SLC24A2: variants seen among roughly 807,000 people sequenced by gnomAD.
SLC24A2 encodes solute carrier family 24 member 2, also known as sodium/potassium/calcium exchanger 2.
In SLC24A2, 36 loss-of-function variants were observed where a neutral mutation model predicts 62.0. That is an observed-to-expected ratio of 0.58 (90% CI 0.44 to 0.77). The LOEUF is 0.77. SLC24A2 is among the 30% of genes least tolerant of loss of function. SLC24A2 has a pLI of 0.00. For missense variants in SLC24A2, 846 were observed against 817.9 expected, an observed-to-expected ratio of 1.03 and a Z score of -0.42; for synonymous variants, 358 against 294.0, an observed-to-expected ratio of 1.22 and a Z score of -2.23.
the SLC24A2 span, among the ~76,000 whole-genome samples, chr9:20,265,449 T>C: frequency 6.6e-6 from 1 of 152,216 alleles, no homozygotes; most frequent in Non-Finnish European, 1.5e-5. Context: ...CTTACGCCTG[T>C]CTTTACTGTA....
the SLC24A2 span, among the ~76,000 whole-genome samples, chr9:20,206,881 T>TGA: frequency 2.7e-5 from 4 of 148,510 alleles, no homozygotes; most frequent in African/African-American, 7.6e-5. Context: ...AAAACTAAGT[T>TGA]GGGGGGGGCG....
At chr9:20,005,598 T>C in the SLC24A2 span, among the ~76,000 whole-genome samples, 9 of 152,062 alleles carry the variant, frequency 5.9e-5, 1 homozygote, top group Non-Finnish European at 1.2e-4. Flanking sequence ...TAGTTCATTA[T>C]ACTGCCAAAC....
chr9:20,078,994 C>A, the SLC24A2 span, among the ~76,000 whole-genome samples: 1 of 152,090 alleles, frequency 6.6e-6, no homozygotes. Flanking sequence ...GTATGCTAAC[C>A]CCTAGAACAT....
the SLC24A2 span, among the ~76,000 whole-genome samples, chr9:20,046,474 C>T: frequency 1.3e-5 from 2 of 152,274 alleles, no homozygotes; most frequent in South Asian, 4.1e-4. Context: ...AAAGGAAATG[C>T]AAATTGAGTT....
At chr9:20,040,846 C>A in the SLC24A2 span, among the ~76,000 whole-genome samples, 2 of 152,200 alleles carry the variant, frequency 1.3e-5, no homozygotes, top group Non-Finnish European at 2.9e-5. Context: ...TTAATCCTCA[C>A]AACAAGCCTA....
the SLC24A2 span, among the ~76,000 whole-genome samples, chr9:20,196,807 A>G: frequency 6.6e-6 from 1 of 152,256 alleles, no homozygotes; most frequent in Non-Finnish European, 1.5e-5. Flanking sequence ...AATGCATAAA[A>G]AAACAAATAA....
chr9:19,627,660 G>A (rs1370314582), intron 2 of SLC24A2, among the ~76,000 whole-genome samples: 1 of 151,948 alleles, frequency 6.6e-6, no homozygotes, highest in African/African-American at 2.4e-5. Context: ...CAAGTAGTTG[G>A]GTCTGTAGGA....
chr9:20,102,120 C>T, the SLC24A2 span, among the ~76,000 whole-genome samples: 7 of 152,156 alleles, frequency 4.6e-5, no homozygotes, highest in Admixed American at 2.6e-4. Flanking sequence ...GATCAGAGTC[C>T]CTAGTTCTCC....
rs1832847873 is a variant in SLC24A2 at position 19,514,364 on chromosome 9, A to G, written c.*1789T>C. 2 of 152,224 alleles carry G rather than the reference A, an allele frequency of 1.3e-5. No homozygotes were observed. Among genetic ancestry groups the G allele is most frequent in the Non-Finnish European group, 2.9e-5 (2 of 68,038 alleles). The allele number at this position is 152,224 out of a possible 1,614,324, so 9.4% of individuals were successfully genotyped here. A position where few individuals can be genotyped will look rare whatever the true frequency, so the allele number is the denominator to read the frequency against. On this transcript the variant is annotated 3_prime_UTR_variant, in exon 11 of 11. Transcript: ENST00000341998. ...AGGAACACATATGGTGAAATTTCCC[A>G]TATGCCATATGTACCAACTTAGACG...
the SLC24A2 span, among the ~76,000 whole-genome samples, chr9:19,794,846 C>T: frequency 1.3e-5 from 2 of 151,854 alleles, no homozygotes; most frequent in African/African-American, 4.8e-5. Flanking sequence ...ACTCGGAAAG[C>T]AAGCAAGGAG....
At chr9:20,237,493 T>A in the SLC24A2 span, among the ~76,000 whole-genome samples, 1 of 152,054 alleles carries the variant, frequency 6.6e-6, no homozygotes. Context: ...TTCCTAGGGA[T>A]TGCTAGGGAA....
At chr9:20,209,389 C>T in the SLC24A2 span, among the ~76,000 whole-genome samples, 1 of 152,174 alleles carries the variant, frequency 6.6e-6, no homozygotes, top group Non-Finnish European at 1.5e-5. Flanking sequence ...TATTTCCCTT[C>T]CTTATTGCTC....
At chr9:19,557,911 C>G (rs1352374997) in intron 7 of SLC24A2, among the ~76,000 whole-genome samples, 1 of 151,854 alleles carries the variant, frequency 6.6e-6, no homozygotes, top group Admixed American at 6.6e-5. Context: ...CTCCATCTCC[C>G]TGGGCTCAAG....
chr9:20,054,476 G>A, the SLC24A2 span, among the ~76,000 whole-genome samples: 4 of 152,194 alleles, frequency 2.6e-5, no homozygotes, highest in African/African-American at 9.6e-5. Context: ...ACAGGCGTGA[G>A]CCACTGCACC....
chr9:19,636,322 T>TTCCTTC lies in SLC24A2; in HGVS notation c.931-14024_931-14023insGAAGGA, dbSNP rs376017966. 4.9e-4 allele frequency among the ~76,000 whole-genome samples: 15 copies of TTCCTTC among 30,570 alleles called. 1 individual carries two copies. The highest frequency in any genetic ancestry group is 1.1e-3 in the East Asian group (1 of 914). 20.1% of individuals were successfully genotyped at this position (30,570 alleles called of 152,430 possible). ...TTCTTTTCTTTTCTTTTCTTTTCTT[T>TTCCTTC]CTTTCTTTCTTTCTTTCTTTCTTTC... is the stretch of plus-strand genomic sequence containing the variant. On this transcript the variant is annotated intron_variant, in intron 2 of 10. Transcript: ENST00000341998.
the SLC24A2 span, among the ~76,000 whole-genome samples, chr9:20,007,879 C>CTCTTTTT: frequency 2.5e-5 from 1 of 39,510 alleles, no homozygotes; most frequent in Non-Finnish European, 4.6e-5. Context: ...TTACTCCTCT[C>CTCTTTTT]TTTTTTTTTT....
the SLC24A2 span, among the ~76,000 whole-genome samples, chr9:20,043,301 G>A: frequency 1.3e-5 from 2 of 152,214 alleles, no homozygotes; most frequent in African/African-American, 4.8e-5. Context: ...TATACAGAGT[G>A]ATGAATGTTG....
chr9:19,889,232 AG>A, the SLC24A2 span, among the ~76,000 whole-genome samples: 1 of 152,346 alleles, frequency 6.6e-6, no homozygotes, highest in East Asian at 1.9e-4. Flanking sequence ...GCTTCAGCTT[AG>A]CTAAACAAAC....
At chr9:20,215,714 C>G in the SLC24A2 span, among the ~76,000 whole-genome samples, 2 of 151,714 alleles carry the variant, frequency 1.3e-5, no homozygotes, top group African/African-American at 4.8e-5. Context: ...AAGGCCATGG[C>G]TTTTGTCTGC....
Sources: allele counts gnomAD v4.1 joint callset (sites outside exome capture counted in the v4.1 genomes callset), GRCh38; gene constraint gnomAD v4.1.1; transcripts MANE v1.5; gene names NCBI Gene and HGNC (gene_info 2026-07-23, HGNC 2026-07-21).